CDHR2: variants seen among roughly 807,000 people sequenced by gnomAD.
CDHR2 encodes cadherin-related family member 2.
Under a neutral mutation model 138.6 loss-of-function variants are expected in CDHR2, and 104 were observed. The observed-to-expected ratio is 0.75, with a 90% CI of 0.64 to 0.88. CDHR2 has a LOEUF of 0.88. Ranked by LOEUF, CDHR2 falls within the 40% of genes least tolerant of loss-of-function variation. The pLI, the probability that CDHR2 is intolerant of heterozygous loss-of-function variation, is 0.00. For missense variants in CDHR2, 1,624 were observed against 1,727.6 expected, an observed-to-expected ratio of 0.94 and a Z score of 1.06; for synonymous variants, 755 against 742.8, an observed-to-expected ratio of 1.02 and a Z score of -0.27.
intron 24 of CDHR2, 71 bp from the exon 25 acceptor site, chr5:176,590,007 C>A: frequency 1.6e-6 from 2 of 1,249,942 alleles, no homozygotes; most frequent in Non-Finnish European, 2.4e-6. Flanking sequence ...ATTCTTAATC[C>A]CACTGGCACA....
intron 30 of CDHR2, 52 bp from the exon 31 acceptor site, chr5:176,592,671 G>T: frequency 6.5e-7 from 1 of 1,542,934 alleles, no homozygotes; most frequent in Non-Finnish European, 9.0e-7. Context: ...CTTGGGCACA[G>T]TAAGGGAGGA....
chr5:176,592,737 A>G lies in CDHR2; in HGVS notation c.3749A>G (p.Asp1250Gly), dbSNP rs376136800. 33 of 1,613,668 alleles carry G rather than the reference A, an allele frequency of 2.0e-5. No individual in the cohort carries two copies. The highest frequency in any genetic ancestry group is 2.8e-5 in the Non-Finnish European group (33 of 1,179,834). Residue 1250 changes from aspartate to glycine, a missense_variant, in exon 31 of 32, where the codon GAC becomes GGC. Around this residue, in one of 3 missense-constraint regions of CDHR2, gnomAD observed 556 missense variants for 565.7 expected, o/e 0.98. Coordinates refer to ENST00000261944, the MANE Select transcript of CDHR2 (RefSeq NM_017675.6). The stretch of plus-strand genomic sequence containing the variant: ...CTCTCTTACAGCGTCAACTCCCTGG[A>G]CGACAACTCTGTGGATGTGGACAAG... Reference protein sequence around the residue: ...DLDSVSVNSLDDNSVDVDKNS... With the variant: ...DLDSVSVNSLGDNSVDVDKNS...
At position 176,589,202 on chromosome 5, in the gene CDHR2, G is replaced by C. The variant is rs1758770432; in HGVS notation, c.3008+20G>C. 1.9e-6 allele frequency: 3 copies of C among 1,613,780 alleles called. No homozygotes were observed. The highest frequency in any genetic ancestry group is 4.5e-5 in the East Asian group (2 of 44,886). ...CATTCAGTAACTGCGGGCGGCCCCG[G>C]GAGGGAGGTTGCGGGGAGGGGCCCG... On this transcript the variant is annotated intron_variant, in intron 22 of 31. Transcript: ENST00000261944.
rs1045211972 is a variant in CDHR2, at chr5:176,576,946, C to G, written c.1195-453C>G. Among the ~76,000 whole-genome samples the G allele has an allele frequency of 1.3e-5, 2 of 151,942 alleles. No homozygotes were observed. The highest frequency in any genetic ancestry group is 4.8e-5 in the African/African-American group (2 of 41,334). On this transcript the variant is annotated intron_variant, in intron 12 of 31. Coordinates refer to ENST00000261944, the MANE Select transcript of CDHR2 (RefSeq NM_017675.6). The surrounding 1 kb of genome is among the most constrained non-coding windows in gnomAD (Gnocchi z 4.5). ...CACGGTGGCGCTGGAGGATGAGTAACTCTGGAGGGTGTATGGTGTTAGGTG... is the reference window on the plus strand; with the variant it reads ...CACGGTGGCGCTGGAGGATGAGTAAGTCTGGAGGGTGTATGGTGTTAGGTG...
At chr5:176,580,381 T>C (rs1758501488) in intron 16 of CDHR2, among the ~76,000 whole-genome samples, 1 of 146,296 alleles carries the variant, frequency 6.8e-6, no homozygotes, top group Non-Finnish European at 1.5e-5. Context: ...TTACAAAAAT[T>C]AGCTGGGTGT....
intron 5 of CDHR2, among the ~76,000 whole-genome samples, chr5:176,570,315 A>G (rs1758194778): frequency 6.6e-6 from 1 of 152,208 alleles, no homozygotes; most frequent in Non-Finnish European, 1.5e-5. Context: ...GAACGTGCAC[A>G]TTCCCGTGAT....
intron 1 of CDHR2, among the ~76,000 whole-genome samples, chr5:176,551,723 A>T: frequency 2.6e-5 from 2 of 76,918 alleles, no homozygotes; most frequent in African/African-American, 4.4e-5. Context: ...TTTTTTTGAG[A>T]CAGAGTCTCG....
intron 22 of CDHR2, 71 bp downstream of exon 22, chr5:176,589,253 C>T (rs1056570231): frequency 1.3e-6 from 2 of 1,599,274 alleles, no homozygotes; most frequent in African/African-American, 1.3e-5. Context: ...CAGCAAGTCC[C>T]CCATCCTGGA....
At chr5:176,545,514 G>A (rs532743771), upstream of CDHR2, among the ~76,000 whole-genome samples, 5 of 152,324 alleles carry the variant, frequency 3.3e-5, no homozygotes, top group South Asian at 6.2e-4. Flanking sequence ...ACCCTGATGT[G>A]TATCTAAACT....
intron 14 of CDHR2, 72 bp from the exon 15 acceptor site, chr5:176,577,962 C>T: frequency 6.6e-7 from 1 of 1,515,096 alleles, no homozygotes; most frequent in Non-Finnish European, 9.1e-7. Context: ...ACAGCTCTGT[C>T]CCCACGAGCT....
chr5:176,586,953 A>G (rs1227953255), intron 21 of CDHR2, 111 bp downstream of exon 21: 4 of 853,172 alleles, frequency 4.7e-6, no homozygotes, highest in Non-Finnish European at 5.7e-6. Context: ...CAACACATGA[A>G]AAAGAAAACC....
Position 176,553,009 on chromosome 5 carries a change from C to G in CDHR2, c.-16+3595C>G, listed in dbSNP as rs1757742165. ...TCGCTGTTGCTCTGAGTGAGGGTCC[C>G]CAGGCTTCTTGAGGCCCTCCATCCT... is the stretch of plus-strand genomic sequence containing the variant. On this transcript the variant is annotated intron_variant, in intron 1 of 31. Transcript: ENST00000261944. The surrounding 1 kb of genome is among the most constrained non-coding windows in gnomAD (Gnocchi z 4.3). Among the ~76,000 whole-genome samples the G allele has an allele frequency of 6.6e-6, 1 of 152,160 alleles. No homozygotes were observed. The highest frequency in any genetic ancestry group is 1.5e-5 in the Non-Finnish European group (1 of 68,032).
At chr5:176,571,838 G>A (rs1423351891) in intron 6 of CDHR2, among the ~76,000 whole-genome samples, 2 of 152,060 alleles carry the variant, frequency 1.3e-5, no homozygotes, top group African/African-American at 4.8e-5. Flanking sequence ...GCCCAGCCTC[G>A]TGTATCTAAA....
Position 176,591,193 on chromosome 5 carries a change from C to A in CDHR2, c.3540-17C>A. ...GGTGTGCAGCAACAGTGTGACCCCTCTTCCGGTTCCCCACAGCTACAACCG... is the reference window on the plus strand; with the variant it reads ...GGTGTGCAGCAACAGTGTGACCCCTATTCCGGTTCCCCACAGCTACAACCG... On this transcript the variant is annotated splice_polypyrimidine_tract_variant and intron_variant, in intron 28 of 31. Transcript: ENST00000261944. 2 of 1,582,388 alleles carry A rather than the reference C, an allele frequency of 1.3e-6. No homozygotes were observed. The highest frequency in any genetic ancestry group is 1.7e-6 in the Non-Finnish European group (2 of 1,151,858).
In CDHR2 at chr5:176,576,534, C is replaced by T. The variant is rs1446122997; in HGVS notation, c.1194+349C>T. ...GTCCTGGGAACTGGGGGAGGCTGAG[C>T]AGTGTTGGGACAAGTGGTCTGAGGG... On this transcript the variant is annotated intron_variant, in intron 12 of 31. Coordinates refer to ENST00000261944, the MANE Select transcript of CDHR2 (RefSeq NM_017675.6). The surrounding 1 kb of genome is among the most constrained non-coding windows in gnomAD (Gnocchi z 4.5). Among the ~76,000 whole-genome samples, 1 of 150,352 alleles carries T rather than the reference C, an allele frequency of 6.7e-6. No individual in the cohort carries two copies. Among genetic ancestry groups the T allele is most frequent in the Non-Finnish European group, 1.5e-5 (1 of 67,736 alleles).
chr5:176,571,692 T>A (rs1358621216), intron 6 of CDHR2, among the ~76,000 whole-genome samples: 3 of 152,038 alleles, frequency 2.0e-5, no homozygotes, highest in African/African-American at 7.2e-5. Flanking sequence ...GCCCGCCACC[T>A]CGCCCGCCTA....
chr5:176,548,451 G>T (rs1358145391), upstream of CDHR2, among the ~76,000 whole-genome samples: 1 of 152,210 alleles, frequency 6.6e-6, no homozygotes, highest in Non-Finnish European at 1.5e-5. Context: ...CTTAAAGCCA[G>T]CCTGGGGGCC....
Position 176,575,097 on chromosome 5 carries a change from C to T in CDHR2, c.509C>T (p.Thr170Ile). ...VYSIEKVIPSTGDSEHLFRIL... is the reference protein window; with the variant it reads ...VYSIEKVIPSIGDSEHLFRIL... ...GCTCTGCCCCAGGTCATCCCTAGCA[C>T]TGGGGACAGCGAGCATCTCTTCCGG... Residue 170 changes from threonine to isoleucine, a missense_variant, in exon 8 of 32, where the codon ACT (threonine) becomes ATT (isoleucine). This residue lies in a region of CDHR2 where 1,061 missense variants were observed against 1,136.6 expected (regional missense o/e 0.93). Transcript: ENST00000261944. 6.2e-7 allele frequency: 1 copy of T among 1,614,150 alleles called. No individual in the cohort carries two copies. Among genetic ancestry groups the T allele is most frequent in the Non-Finnish European group, 8.5e-7 (1 of 1,180,046 alleles).
At position 176,590,501 on chromosome 5, in the gene CDHR2, G is replaced by GC. The variant is rs1758817477; in HGVS notation, c.3414+17dup. On this transcript the variant is annotated intron_variant, in intron 27 of 31. Coordinates refer to ENST00000261944, the MANE Select transcript of CDHR2 (RefSeq NM_017675.6). ...GGTGGTGCTGGTGAGTGCGGGCAGG[G>GC]CGGGGCAGCAGGTGGGGCTGCTGAA... 1.2e-6 allele frequency: 2 copies of GC among 1,613,892 alleles called. No homozygotes were observed. Among genetic ancestry groups the GC allele is most frequent in the South Asian group, 2.2e-5 (2 of 91,084 alleles).
Sources: gnomAD v4.1 joint callset for allele counts (sites outside exome capture counted in the v4.1 genomes callset) on GRCh38, gnomAD v4.1.1 for gene constraint, gnomAD v4.1.1 regional missense constraint, Gnocchi (gnomAD v3.1) non-coding constraint, MANE v1.5 for transcripts, NCBI Gene and HGNC (gene_info 2026-07-23, HGNC 2026-07-21) for gene names.